The following SETBP1 variants were observed in gnomAD, a reference collection of about 807,000 sequenced individuals.
SETBP1 encodes SET-binding protein.
In SETBP1, 9 loss-of-function variants were observed where a neutral mutation model predicts 101.0. The ratio of observed to expected loss-of-function variants is 0.09; its 90% CI spans 0.05 to 0.16. The LOEUF (loss-of-function observed/expected upper bound fraction) is 0.16, where lower values mean the gene tolerates loss of function less well. SETBP1 is among the 10% of genes least tolerant of loss of function. SETBP1 has a pLI of 1.00. For missense variants in SETBP1, 1,858 were observed against 2,033.8 expected, an observed-to-expected ratio of 0.91 and a Z score of 1.66; for synonymous variants, 818 against 788.5, an observed-to-expected ratio of 1.04 and a Z score of -0.63.
intron 2 of SETBP1, among the ~76,000 whole-genome samples, chr18:44,752,311 G>T (rs1442170689): frequency 6.6e-6 from 1 of 152,144 alleles, no homozygotes; most frequent in Non-Finnish European, 1.5e-5. Context: ...GCTGGGATGA[G>T]CCCAGGACTA....
chr18:44,836,821 G>A (rs928069462), intron 2 of SETBP1, among the ~76,000 whole-genome samples: 1 of 152,180 alleles, frequency 6.6e-6, no homozygotes, highest in African/African-American at 2.4e-5. Context: ...TCTGTTCTTA[G>A]CAGCTTCTCT....
At chr18:44,957,189 T>C (rs2071504522) in intron 4 of SETBP1, among the ~76,000 whole-genome samples, 1 of 152,124 alleles carries the variant, frequency 6.6e-6, no homozygotes, top group South Asian at 2.1e-4. Flanking sequence ...AAATGCATAC[T>C]CCAGGGGTGA....
chr18:44,885,439 T>A (rs1270581548), intron 3 of SETBP1, among the ~76,000 whole-genome samples: 2 of 152,122 alleles, frequency 1.3e-5, no homozygotes, highest in Non-Finnish European at 2.9e-5. Context: ...TGTTAGTATG[T>A]TGTAGCAGTA....
intron 2 of SETBP1, among the ~76,000 whole-genome samples, chr18:44,866,857 A>G (rs678683): frequency 1 from 152,337 of 152,350 alleles, 76,162 homozygotes; most frequent in Middle Eastern, 1. Flanking sequence ...GCATTTCTGC[A>G]AGGAAGAGTT....
rs115318650 is a variant in SETBP1 at position 44,845,065 on chromosome 18, G to A, written c.487-24165G>A. Among the ~76,000 whole-genome samples, 442 of 152,304 alleles carry A rather than the reference G, an allele frequency of 2.9e-3. 1 individual carries two copies. Among genetic ancestry groups the A allele is most frequent in the African/African-American group, 0.01 (429 of 41,552 alleles). On this transcript the variant is annotated intron_variant, in intron 2 of 5. Transcript: ENST00000649279. Reference sequence around the variant, plus strand: ...TTGTTGTTTTGAGTGACACAAAAGAGTGATATGTGGCTATTCCCTTTCACT... The same window carrying A: ...TTGTTGTTTTGAGTGACACAAAAGAATGATATGTGGCTATTCCCTTTCACT...
At position 45,064,398 on chromosome 18, in the gene SETBP1, A is replaced by G. The variant is rs1599513574; in HGVS notation, c.*700A>G. On this transcript the variant is annotated 3_prime_UTR_variant, in exon 6 of 6. Coordinates refer to ENST00000649279, the MANE Select transcript of SETBP1 (RefSeq NM_015559.3). ...TTCCTATTTTTCCTTTGCCCATTGT[A>G]CTTCCATATATCTTTTCATTAACTT... 1 of 148,542 alleles carries G rather than the reference A, an allele frequency of 6.7e-6. No individual in the cohort carries two copies. Among genetic ancestry groups the G allele is most frequent in the Non-Finnish European group, 1.5e-5 (1 of 67,230 alleles). The allele number at this position is 148,542 out of a possible 1,614,324, so 9.2% of individuals were successfully genotyped here. A position where few individuals can be genotyped will look rare whatever the true frequency, so the allele number is the denominator to read the frequency against.
intron 2 of SETBP1, among the ~76,000 whole-genome samples, chr18:44,818,835 T>A (rs1184460932): frequency 1.3e-5 from 2 of 151,916 alleles, no homozygotes; most frequent in East Asian, 1.9e-4. Flanking sequence ...CCTTCCACCA[T>A]CTCCCTCTGT....
At chr18:44,939,564 T>C (rs953548) in intron 3 of SETBP1, among the ~76,000 whole-genome samples, 38,309 of 152,104 alleles carry the variant, frequency 0.25, 4,882 homozygotes, top group East Asian at 0.28. Flanking sequence ...ATGTTTTCTT[T>C]TCTCTTGGGT....
chr18:44,708,201 G>A (rs2069262587), intron 2 of SETBP1, among the ~76,000 whole-genome samples: 3 of 152,182 alleles, frequency 2.0e-5, no homozygotes, highest in Non-Finnish European at 4.4e-5. Context: ...GGTGGTTCAA[G>A]TGTCCTTCCC....
intron 4 of SETBP1, among the ~76,000 whole-genome samples, chr18:44,995,552 T>C (rs1456746335): frequency 6.6e-6 from 1 of 151,646 alleles, no homozygotes; most frequent in African/African-American, 2.4e-5. Flanking sequence ...TGTGTGTGTG[T>C]GTGTGTGTGT....
chr18:44,936,923 A>C (rs561459950), intron 3 of SETBP1, among the ~76,000 whole-genome samples: 1 of 152,308 alleles, frequency 6.6e-6, no homozygotes, highest in African/African-American at 2.4e-5. Context: ...AGCAGCCAAG[A>C]GGGTGACCAG....
chr18:44,924,976 C>T (rs1171711216), intron 3 of SETBP1, among the ~76,000 whole-genome samples: 1 of 148,340 alleles, frequency 6.7e-6, no homozygotes, highest in Non-Finnish European at 1.5e-5. Flanking sequence ...ATGTTCCAAC[C>T]ATGCTCTTTT....
chr18:44,803,995 C>G (rs1282812149), intron 2 of SETBP1, among the ~76,000 whole-genome samples: 1 of 152,080 alleles, frequency 6.6e-6, no homozygotes, highest in African/African-American at 2.4e-5. Flanking sequence ...ATCCCTCACT[C>G]TTTTGGCTAA....
rs139479590 is a variant in SETBP1 at position 44,952,045 on chromosome 18, C to T, written c.2705C>T (p.Pro902Leu). 7 of 1,613,922 alleles carry T rather than the reference C, an allele frequency of 4.3e-6. No individual in the cohort carries two copies. Among genetic ancestry groups the T allele is most frequent in the African/African-American group, 2.7e-5 (2 of 74,906 alleles). ...TTTGATTTCTGCTCCCTGGACAACCCGGAGGCCATTCCGTCCGACACCAGC... is the reference window on the plus strand; with the variant it reads ...TTTGATTTCTGCTCCCTGGACAACCTGGAGGCCATTCCGTCCGACACCAGC... ...YSFDFCSLDN[P>L]EAIPSDTSTK... The change falls in exon 4 of 6, where the codon CCG (proline) becomes CTG (leucine). Residue 902 changes from proline to leucine, a missense_variant. By Grantham distance (98) the Pro-to-Leu change is moderately conservative. Transcript: ENST00000649279.
At chr18:45,024,719 T>TA (rs1239399838) in intron 4 of SETBP1, among the ~76,000 whole-genome samples, 1 of 152,234 alleles carries the variant, frequency 6.6e-6, no homozygotes, top group South Asian at 2.1e-4. Flanking sequence ...AAATCAGACT[T>TA]ACTTTGGACC....
At chr18:44,924,774 A>G (rs759261681) in intron 3 of SETBP1, among the ~76,000 whole-genome samples, 8 of 152,198 alleles carry the variant, frequency 5.3e-5, no homozygotes, top group Non-Finnish European at 8.8e-5. Flanking sequence ...ACCAAAGTAC[A>G]TTGCTCATCC....
At chr18:44,976,073 T>TACACAC (rs57458132) in intron 4 of SETBP1, among the ~76,000 whole-genome samples, 7,917 of 143,574 alleles carry the variant, frequency 0.055, 229 homozygotes, top group South Asian at 0.069. Context: ...TGGGGAGGGA[T>TACACAC]ACACACACAC....
At chr18:44,709,544 C>G (rs531941226) in intron 2 of SETBP1, among the ~76,000 whole-genome samples, 1 of 152,184 alleles carries the variant, frequency 6.6e-6, no homozygotes, top group Non-Finnish European at 1.5e-5. Context: ...GTTGATGTCA[C>G]TGTGGTGAGG....
At chr18:44,689,411 TATGTCAGACTCA>T (rs2068892204) in intron 1 of SETBP1, among the ~76,000 whole-genome samples, 1 of 152,178 alleles carries the variant, frequency 6.6e-6, no homozygotes, top group Non-Finnish European at 1.5e-5. Flanking sequence ...CAGGGCCCTC[TATGTCAGACTCA>T]ATGTGCCTGT....
Sources: allele counts gnomAD v4.1 joint callset (sites outside exome capture counted in the v4.1 genomes callset), GRCh38; gene constraint gnomAD v4.1.1; transcripts MANE v1.5; gene names NCBI Gene and HGNC (gene_info 2026-07-23, HGNC 2026-07-21).